Variants in ATOSB observed in about 807,000 individuals in gnomAD.
The protein encoded by ATOSB is atos homolog protein B.
the ATOSB span, chr9:35,107,808 T>G: frequency 1.5e-5 from 23 of 1,584,176 alleles, no homozygotes; most frequent in Middle Eastern, 1.7e-4. Flanking sequence ...GTCTCTGGTG[T>G]GCAAAGTATT....
chr9:35,110,615 AG>A, the ATOSB span: 1 of 152,250 alleles, frequency 6.6e-6, no homozygotes, highest in Non-Finnish European at 1.5e-5. Context: ...CTCTTCGTTC[AG>A]GGGGTGGGCA....
At chr9:35,113,821 C>T in the ATOSB span, among the ~76,000 whole-genome samples, 2 of 151,948 alleles carry the variant, frequency 1.3e-5, no homozygotes, top group African/African-American at 2.4e-5. Context: ...AACTTTGTTT[C>T]GTTCATGCTC....
the ATOSB span, chr9:35,107,843 G>A: frequency 6.3e-7 from 1 of 1,596,024 alleles, no homozygotes; most frequent in Non-Finnish European, 8.5e-7. Context: ...ATGGGGGGCA[G>A]GGGGGACTCC....
At chr9:35,115,768 T>A in the ATOSB span, 3 of 152,036 alleles carry the variant, frequency 2.0e-5, no homozygotes, top group Non-Finnish European at 4.4e-5. Flanking sequence ...CGCACCCCCA[T>A]CCGCGTCCCT....
At chr9:35,110,008 T>G in the ATOSB span, 1 of 151,178 alleles carries the variant, frequency 6.6e-6, no homozygotes, top group Non-Finnish European at 1.5e-5. Flanking sequence ...GCAGAGAGAT[T>G]AATTGTACAA....
the ATOSB span, chr9:35,107,840 GCAGGGGGGACTC>G: frequency 6.3e-7 from 1 of 1,597,336 alleles, no homozygotes; most frequent in African/African-American, 1.3e-5. Context: ...TTGATGGGGG[GCAGGGGGGACTC>G]CAGGCCCCCG....
At chr9:35,114,754 C>T in the ATOSB span, among the ~76,000 whole-genome samples, 1 of 152,164 alleles carries the variant, frequency 6.6e-6, no homozygotes, top group Admixed American at 6.5e-5. Context: ...CTCACCACTT[C>T]CCCCCTCCCA....
chr9:35,107,569 C>T, the ATOSB span: 1 of 1,591,230 alleles, frequency 6.3e-7, no homozygotes, highest in Non-Finnish European at 8.5e-7. Flanking sequence ...GGGCAGGGGC[C>T]TGGGGGTCCA....
the ATOSB span, chr9:35,105,644 C>T: frequency 6.3e-7 from 1 of 1,598,386 alleles, no homozygotes; most frequent in Non-Finnish European, 8.6e-7. This position sits in a 1 kb window ranked among gnomAD's most constrained non-coding sequence, Gnocchi z 5.5. Flanking sequence ...GGAGGGGATA[C>T]CTGGGCCTCC....
the ATOSB span, among the ~76,000 whole-genome samples, chr9:35,115,384 C>A: frequency 6.6e-6 from 1 of 152,024 alleles, no homozygotes; most frequent in Non-Finnish European, 1.5e-5. Flanking sequence ...TACTACAATG[C>A]CCTAAACTGT....
At chr9:35,108,712 G>A in the ATOSB span, 17 of 995,556 alleles carry the variant, frequency 1.7e-5, no homozygotes, top group Middle Eastern at 5.1e-4. Context: ...CCACCATTCC[G>A]TGCAGCTCCT....
chr9:35,105,958 C>T, the ATOSB span: 2 of 1,614,028 alleles, frequency 1.2e-6, no homozygotes, highest in Non-Finnish European at 1.7e-6. This position sits in a 1 kb window ranked among gnomAD's most constrained non-coding sequence, Gnocchi z 5.5. Flanking sequence ...ACGGTGCCCA[C>T]CTTGGGCACG....
the ATOSB span, among the ~76,000 whole-genome samples, chr9:35,115,517 C>G: frequency 6.6e-6 from 1 of 150,680 alleles, no homozygotes; most frequent in African/African-American, 2.4e-5. Flanking sequence ...AAACAGCCCC[C>G]CTTCCTTCAA....
chr9:35,116,084 C>T, the ATOSB span, among the ~76,000 whole-genome samples: 62 of 151,960 alleles, frequency 4.1e-4, no homozygotes, highest in African/African-American at 1.5e-3. Flanking sequence ...CCCCAGGATC[C>T]TCAGCTTTTC....
chr9:35,107,659 C>T, the ATOSB span: 203 of 1,607,192 alleles, frequency 1.3e-4, no homozygotes, highest in Middle Eastern at 3.3e-4. Flanking sequence ...CCCCCATTGC[C>T]CACCCCAGCC....
At chr9:35,106,144 C>T in the ATOSB span, 23 of 1,536,662 alleles carry the variant, frequency 1.5e-5, no homozygotes, top group Non-Finnish European at 2.0e-5. The surrounding 1 kb of genome is among the most constrained non-coding windows in gnomAD (Gnocchi z 4.6). Context: ...CTGGCCCTGA[C>T]TCACTTCTAG....
the ATOSB span, chr9:35,108,127 C>A: frequency 6.4e-7 from 1 of 1,568,234 alleles, no homozygotes; most frequent in South Asian, 1.2e-5. Context: ...AAGATGGATA[C>A]CTGGTAGACC....
chr9:35,116,002 C>G, the ATOSB span: 1 of 152,020 alleles, frequency 6.6e-6, no homozygotes, highest in Non-Finnish European at 1.5e-5. Context: ...TTTAATTTCT[C>G]GAGCTCCTCC....
the ATOSB span, chr9:35,105,069 G>T: frequency 1.2e-6 from 1 of 824,366 alleles, no homozygotes; most frequent in Non-Finnish European, 1.8e-6. The surrounding 1 kb of genome is among the most constrained non-coding windows in gnomAD (Gnocchi z 5.5). Context: ...AGAATCAGAA[G>T]CTTTAAACAC....
Sources: gnomAD v4.1 joint callset for allele counts (sites outside exome capture counted in the v4.1 genomes callset) on GRCh38, gnomAD v4.1.1 for gene constraint, Gnocchi (gnomAD v3.1) non-coding constraint, MANE v1.5 for transcripts, NCBI Gene and HGNC (gene_info 2026-07-23, HGNC 2026-07-21) for gene names.